The following CLIP2 variants were observed in gnomAD, a reference collection of about 807,000 sequenced individuals.
CLIP2 encodes the protein CAP-Gly domain containing linker protein 2.
CLIP2 carries 41 observed loss-of-function variants against 111.7 expected under a neutral mutation model. That is an observed-to-expected ratio of 0.37 (90% CI 0.29 to 0.48). The LOEUF (loss-of-function observed/expected upper bound fraction) is 0.48. Ranked by LOEUF, CLIP2 falls within the 20% of genes least tolerant of loss-of-function variation. The pLI is 0.99. For missense variants in CLIP2, 1,160 were observed against 1,422.1 expected (o/e 0.82, Z 2.96); for synonymous variants, 660 against 644.2 (o/e 1.02, Z -0.37).
At chr7:74,299,868 T>C (rs1788278910) in intron 1 of CLIP2, among the ~76,000 whole-genome samples, 1 of 151,864 alleles carries the variant, frequency 6.6e-6, no homozygotes, top group Non-Finnish European at 1.5e-5. Context: ...CGGCTAATTT[T>C]GTATTTTTAG....
At chr7:74,329,437 T>C (rs2116532838) in intron 2 of CLIP2, among the ~76,000 whole-genome samples, 2 of 152,244 alleles carry the variant, frequency 1.3e-5, no homozygotes, top group Middle Eastern at 6.8e-3. Context: ...AGCCCCTCCT[T>C]TGTGGTCACC....
intron 2 of CLIP2, among the ~76,000 whole-genome samples, chr7:74,322,662 C>A (rs1788994920): frequency 6.6e-6 from 1 of 152,034 alleles, no homozygotes; most frequent in Non-Finnish European, 1.5e-5. Flanking sequence ...CACACCTTGA[C>A]CTCCCAAAAT....
intron 2 of CLIP2, among the ~76,000 whole-genome samples, chr7:74,317,887 A>AT (rs781941805): frequency 3.3e-4 from 50 of 152,186 alleles, no homozygotes; most frequent in Non-Finnish European, 5.7e-4. Context: ...TGAATAGGTG[A>AT]TTCACTAGCT....
intron 8 of CLIP2, chr7:74,364,897 C>T (rs1554310507): frequency 2.2e-6 from 1 of 455,408 alleles, no homozygotes; most frequent in Non-Finnish European, 4.4e-6. Context: ...GTCATGTGCA[C>T]CTGTGGTCCC....
chr7:74,327,210 C>A (rs782664504), intron 2 of CLIP2, among the ~76,000 whole-genome samples: 1 of 152,164 alleles, frequency 6.6e-6, no homozygotes, highest in Non-Finnish European at 1.5e-5. Flanking sequence ...TCAAGCAATT[C>A]TTCTGCCTCA....
intron 1 of CLIP2, among the ~76,000 whole-genome samples, chr7:74,305,517 G>A (rs1256633407): frequency 4.6e-5 from 7 of 151,944 alleles, no homozygotes; most frequent in East Asian, 1.9e-4. Context: ...TTTTTGAGAC[G>A]GAGTCTCACT....
In CLIP2 at chr7:74,339,012, C is replaced by A. The variant is rs781812560; in HGVS notation, c.678+8C>A. The stretch of plus-strand genomic sequence containing the variant: ...CTGGGGGACCGCGTGCTGGTGAGTG[C>A]GGGCAGTACTGGGCTCTGGGCCCAG... On this transcript the variant is annotated splice_region_variant and intron_variant, in intron 3 of 16. Transcript: ENST00000223398. 1.1e-5 allele frequency: 17 copies of A among 1,590,580 alleles called. No individual in the cohort carries two copies. The highest frequency in any genetic ancestry group is 1.2e-5 in the Non-Finnish European group (14 of 1,174,784).
intron 1 of CLIP2, among the ~76,000 whole-genome samples, chr7:74,316,904 G>C (rs1166161343): frequency 6.6e-6 from 1 of 151,256 alleles, no homozygotes; most frequent in African/African-American, 2.4e-5. Flanking sequence ...TGCAGCTCAC[G>C]CTTTGAAAAG....
intron 1 of CLIP2, among the ~76,000 whole-genome samples, chr7:74,315,787 G>T (rs1273416140): frequency 2.6e-5 from 4 of 151,724 alleles, no homozygotes; most frequent in African/African-American, 9.7e-5. Context: ...GGCCAGGCTG[G>T]TCTCAAACTC....
intron 1 of CLIP2, among the ~76,000 whole-genome samples, chr7:74,291,089 G>C (rs1345688183): frequency 6.6e-6 from 1 of 152,212 alleles, no homozygotes; most frequent in Non-Finnish European, 1.5e-5. Context: ...AACAGCTTAG[G>C]ATTTAAGGAA....
intron 3 of CLIP2, among the ~76,000 whole-genome samples, chr7:74,352,350 T>G (rs899963473): frequency 3.3e-5 from 5 of 151,560 alleles, no homozygotes; most frequent in Admixed American, 6.6e-5. Flanking sequence ...GGCAGGAGAA[T>G]CACTTGAACT....
intron 2 of CLIP2, among the ~76,000 whole-genome samples, chr7:74,323,346 A>G (rs1449144702): frequency 1.4e-4 from 21 of 151,788 alleles, no homozygotes; most frequent in African/African-American, 5.1e-4. Context: ...TCTTGGGCTC[A>G]AGCGATCCTC....
chr7:74,327,787 G>A (rs925596991), intron 2 of CLIP2, among the ~76,000 whole-genome samples: 2 of 152,182 alleles, frequency 1.3e-5, no homozygotes, highest in Non-Finnish European at 2.9e-5. Flanking sequence ...TGACGGGGCG[G>A]GGGTCCGGCT....
At chr7:74,364,995 G>T (rs113319052) in intron 8 of CLIP2, 95 of 9,396 alleles carry the variant, frequency 0.01, no homozygotes, top group South Asian at 0.051. Context: ...GTTTTTTGTT[G>T]TGTGTGTGTG....
intron 2 of CLIP2, among the ~76,000 whole-genome samples, chr7:74,329,275 G>T (rs1015375351): frequency 6.6e-6 from 1 of 151,686 alleles, no homozygotes; most frequent in African/African-American, 2.4e-5. Context: ...TGCCTCCTGA[G>T]CTCAAGTGAT....
intron 14 of CLIP2, among the ~76,000 whole-genome samples, chr7:74,399,509 G>A (rs1220276819): frequency 7.1e-6 from 1 of 141,084 alleles, no homozygotes; most frequent in African/African-American, 2.7e-5. Context: ...CTGCACTCCA[G>A]CCTGCACAAT....
chr7:74,400,432 C>G lies in CLIP2; in HGVS notation c.2943C>G (p.Pro981=), dbSNP rs1554317372. 3 of 1,614,082 alleles carry G rather than the reference C, an allele frequency of 1.9e-6. No individual in the cohort carries two copies. The highest frequency in any genetic ancestry group is 2.5e-6 in the Non-Finnish European group (3 of 1,179,948). The change falls in exon 15 of 17, where the codon CCC becomes CCG. Residue 981 remains proline (P), a synonymous_variant. Coordinates refer to ENST00000223398, the MANE Select transcript of CLIP2 (RefSeq NM_003388.5). Reference sequence around the variant, plus strand: ...CCCTCATCGACCGGTCCTCGGCGCCCGAGCTTCTGCGGCTGCAGCACCAGC... The same window carrying G: ...CCCTCATCGACCGGTCCTCGGCGCCGGAGCTTCTGCGGCTGCAGCACCAGC... The part of the protein sequence containing the change: ...RYSLIDRSSA[P]ELLRLQHQLM...
At chr7:74,321,100 T>G (rs1450036972) in intron 2 of CLIP2, among the ~76,000 whole-genome samples, 3 of 152,068 alleles carry the variant, frequency 2.0e-5, no homozygotes, top group Non-Finnish European at 1.5e-5. Flanking sequence ...ACCTAACCTC[T>G]CTGAGCCACA....
chr7:74,306,598 C>T (rs1788494637), intron 1 of CLIP2, among the ~76,000 whole-genome samples: 3 of 152,296 alleles, frequency 2.0e-5, no homozygotes, highest in East Asian at 1.9e-4. Flanking sequence ...CCGCCACCCC[C>T]GGGCAGCTGA....
Sources: allele counts gnomAD v4.1 joint callset (sites outside exome capture counted in the v4.1 genomes callset), GRCh38; gene constraint gnomAD v4.1.1; transcripts MANE v1.5; gene names NCBI Gene and HGNC (gene_info 2026-07-23, HGNC 2026-07-21).